Variants in CABCOCO1 observed in about 807,000 individuals in gnomAD.
CABCOCO1 encodes ciliary-associated calcium-binding coiled-coil protein 1.
Under a neutral mutation model 35.7 loss-of-function variants are expected in CABCOCO1, and 28 were observed. The ratio of observed to expected loss-of-function variants is 0.78; its 90% CI spans 0.58 to 1.07. The LOEUF (loss-of-function observed/expected upper bound fraction) is 1.07. CABCOCO1 is among the 50% of genes least tolerant of loss of function. The probability of loss-of-function intolerance (pLI) is 0.00; values close to 1 mark genes in which losing one functional copy is unlikely to be tolerated. For missense variants in CABCOCO1, 326 were observed against 309.2 expected (o/e 1.05, Z -0.41); for synonymous variants, 95 against 100.1 (o/e 0.95, Z 0.30).
intron 5 of CABCOCO1, among the ~76,000 whole-genome samples, chr10:61,703,406 GAC>G (rs1444780355): frequency 6.6e-6 from 1 of 152,010 alleles, no homozygotes; most frequent in Non-Finnish European, 1.5e-5. Context: ...GGGAAAAAAA[GAC>G]ATAATATAAG....
At chr10:61,749,694 G>GA (rs1307803856) in intron 5 of CABCOCO1, among the ~76,000 whole-genome samples, 3 of 152,152 alleles carry the variant, frequency 2.0e-5, no homozygotes, top group Non-Finnish European at 4.4e-5. Flanking sequence ...AATCCATAAT[G>GA]AACTACTAGG....
At chr10:61,704,505 A>T (rs1192483249) in intron 5 of CABCOCO1, among the ~76,000 whole-genome samples, 5 of 152,160 alleles carry the variant, frequency 3.3e-5, no homozygotes, top group Admixed American at 6.5e-5. Context: ...CCACCTACAG[A>T]TGCCTGAGTG....
chr10:61,695,368 T>C (rs1040711144), intron 5 of CABCOCO1, among the ~76,000 whole-genome samples: 2 of 151,292 alleles, frequency 1.3e-5, no homozygotes, highest in African/African-American at 4.9e-5. Context: ...TAAGAGAGTA[T>C]GGATATAGTA....
chr10:61,702,301 T>C (rs943711050), intron 5 of CABCOCO1, among the ~76,000 whole-genome samples: 3 of 152,194 alleles, frequency 2.0e-5, no homozygotes, highest in Non-Finnish European at 2.9e-5. Flanking sequence ...AACTATTTTG[T>C]CCTATTCTTC....
intron 5 of CABCOCO1, among the ~76,000 whole-genome samples, chr10:61,721,324 A>G (rs1336050883): frequency 6.6e-6 from 1 of 152,116 alleles, no homozygotes; most frequent in East Asian, 1.9e-4. Flanking sequence ...ATGTCATGAA[A>G]CAGATGGGAA....
rs918322497 is a variant in CABCOCO1, at chr10:61,748,162, A to G, written c.553-11897A>G. Among the ~76,000 whole-genome samples the G allele has an allele frequency of 7.9e-5, 6 of 75,968 alleles. No homozygotes were observed. The East Asian group carries it at 9.8e-4, about 12-fold the overall frequency. 49.8% of individuals were successfully genotyped at this position (75,968 alleles called of 152,430 possible). ...GGTGAAGAGCAGGGAGATACGGGGG[A>G]AAAAAAAAACCCTAAAATTTGGCAC... On this transcript the variant is annotated intron_variant, in intron 5 of 7. Coordinates refer to ENST00000648843, the MANE Select transcript of CABCOCO1 (RefSeq NM_001366906.2).
intron 5 of CABCOCO1, among the ~76,000 whole-genome samples, chr10:61,698,561 C>T (rs1840355015): frequency 6.6e-6 from 1 of 152,122 alleles, no homozygotes; most frequent in Admixed American, 6.6e-5. Flanking sequence ...AATAATACCA[C>T]TTAAGGTCAA....
chr10:61,727,553 C>T (rs1307341835), intron 5 of CABCOCO1, among the ~76,000 whole-genome samples: 2 of 152,104 alleles, frequency 1.3e-5, no homozygotes, highest in Non-Finnish European at 2.9e-5. Context: ...TGTTTTCATC[C>T]ATAACTCTCT....
At chr10:61,743,030 C>A (rs565288974) in intron 5 of CABCOCO1, among the ~76,000 whole-genome samples, 1 of 152,110 alleles carries the variant, frequency 6.6e-6, no homozygotes, top group African/African-American at 2.4e-5. Context: ...GTGTCATGAA[C>A]AAAGCAGCCG....
chr10:61,730,651 T>C (rs1271270068), intron 5 of CABCOCO1, among the ~76,000 whole-genome samples: 3 of 151,880 alleles, frequency 2.0e-5, no homozygotes, highest in Non-Finnish European at 2.9e-5. Flanking sequence ...TATTATTAAC[T>C]GTTTATTAAG....
At chr10:61,685,780 C>T (rs908857901) in intron 3 of CABCOCO1, among the ~76,000 whole-genome samples, 1 of 152,202 alleles carries the variant, frequency 6.6e-6, no homozygotes, top group Admixed American at 6.5e-5. Context: ...TTGGCTGGTA[C>T]TCTAACTCAT....
At chr10:61,740,198 C>A (rs1482485059) in intron 5 of CABCOCO1, among the ~76,000 whole-genome samples, 1 of 152,160 alleles carries the variant, frequency 6.6e-6, no homozygotes, top group Non-Finnish European at 1.5e-5. Context: ...ACAGATAGGA[C>A]TGGATATGTA....
rs1382296724 is a variant in CABCOCO1 at position 61,740,377 on chromosome 10, A to G, written c.553-19682A>G. On this transcript the variant is annotated intron_variant, in intron 5 of 7. Transcript: ENST00000648843. ...GGGCAGGCTCTGGACATGTGTGAGT[A>G]ATGGAGGAGGAGAAACCAGGTTTGA... 4.6e-5 allele frequency among the ~76,000 whole-genome samples: 7 copies of G among 152,306 alleles called. 1 individual carries two copies. The highest frequency in any genetic ancestry group is 4.6e-4 in the Admixed American group (7 of 15,302).
chr10:61,756,042 GATTTT>G (rs1302209091), intron 5 of CABCOCO1, among the ~76,000 whole-genome samples: 1 of 151,812 alleles, frequency 6.6e-6, no homozygotes, highest in Non-Finnish European at 1.5e-5. Context: ...GATTTCTTAC[GATTTT>G]ATTTGCCATG....
chr10:61,713,471 C>T (rs1315175603), intron 5 of CABCOCO1, among the ~76,000 whole-genome samples: 2 of 152,156 alleles, frequency 1.3e-5, no homozygotes, highest in African/African-American at 2.4e-5. Context: ...GACAATTTGA[C>T]TTCCTCTTTT....
Position 61,700,928 on chromosome 10 carries a change from T to TATGTATACATATACATAC in CABCOCO1, c.552+10345_552+10362dup, listed in dbSNP as rs66623501. On this transcript the variant is annotated intron_variant, in intron 5 of 7. Transcript: ENST00000648843. ...TTTTACACCCACATCTGTGTATGTA[T>TATGTATACATATACATAC]ATGTATACATATACATACATGTATA... 4.7e-3 allele frequency among the ~76,000 whole-genome samples: 710 copies of TATGTATACATATACATAC among 150,294 alleles called. 7 individuals are homozygous for TATGTATACATATACATAC. The highest frequency in any genetic ancestry group is 7.0e-3 in the Non-Finnish European group (473 of 67,520).
intron 5 of CABCOCO1, among the ~76,000 whole-genome samples, chr10:61,712,120 TTCTCCACATCCTCCACAGC>T (rs1463306682): frequency 2.5e-4 from 8 of 32,500 alleles, no homozygotes; most frequent in African/African-American, 5.5e-4. Context: ...GCATTCCTAT[TTCTCCACATCCTCCACAGC>T]CCTATTTCTC....
intron 2 of CABCOCO1, 52 bp from the exon 3 acceptor site, chr10:61,681,091 T>C: frequency 8.9e-7 from 1 of 1,126,120 alleles, no homozygotes; most frequent in South Asian, 2.0e-5. Context: ...AGGAAAGAAA[T>C]GGTTCAATAT....
chr10:61,763,973 G>C (rs1438363399), intron 7 of CABCOCO1, among the ~76,000 whole-genome samples: 1 of 151,998 alleles, frequency 6.6e-6, no homozygotes. Context: ...CTAAGGTCTG[G>C]AGATCTGAGA....
Sources: gnomAD v4.1 joint callset for allele counts (sites outside exome capture counted in the v4.1 genomes callset) on GRCh38, gnomAD v4.1.1 for gene constraint, MANE v1.5 for transcripts, NCBI Gene and HGNC (gene_info 2026-07-23, HGNC 2026-07-21) for gene names.